The following LMO7 variants were observed in gnomAD, a reference collection of about 807,000 sequenced individuals.
The protein encoded by LMO7 is LIM domain 7, also known as LIM domain only protein 7.
In LMO7, 120 loss-of-function variants were observed where a neutral mutation model predicts 206.5. That is an observed-to-expected ratio of 0.58 (90% CI 0.50 to 0.68). The LOEUF is 0.68. Among genes scored for constraint, LMO7 ranks in the 30% least tolerant of loss-of-function variants. LMO7 has a pLI of 0.00. For missense variants in LMO7, 1,959 were observed against 1,957.9 expected, an observed-to-expected ratio of 1.00 and a Z score of -0.01; for synonymous variants, 706 against 681.5, an observed-to-expected ratio of 1.04 and a Z score of -0.56.
intron 1 of LMO7, among the ~76,000 whole-genome samples, chr13:75,694,416 G>A (rs1345888198): frequency 6.6e-6 from 1 of 152,214 alleles, no homozygotes; most frequent in African/African-American, 2.4e-5. Flanking sequence ...CAGGCAGAAT[G>A]GATCTCTGGA....
intron 4 of LMO7, among the ~76,000 whole-genome samples, chr13:75,772,148 A>T (rs1189622677): frequency 1.3e-5 from 2 of 152,186 alleles, no homozygotes; most frequent in African/African-American, 4.8e-5. Flanking sequence ...ATCATTTCTT[A>T]CCAAGCCTTT....
At chr13:75,626,987 T>C (rs1465380261) in intron 2 of LMO7, 1 of 152,126 alleles carries the variant, frequency 6.6e-6, no homozygotes, top group Non-Finnish European at 1.5e-5. Flanking sequence ...AGTCATAGAA[T>C]AGGGGAATGA....
At chr13:75,716,390 A>G (rs866069019) in intron 2 of LMO7, among the ~76,000 whole-genome samples, 9 of 152,136 alleles carry the variant, frequency 5.9e-5, no homozygotes, top group South Asian at 2.1e-4. Flanking sequence ...CTGATTGACT[A>G]TTGAAATTAG....
chr13:75,678,747 AAAT>A (rs1394781743), intron 1 of LMO7, among the ~76,000 whole-genome samples: 1 of 152,200 alleles, frequency 6.6e-6, no homozygotes, highest in Non-Finnish European at 1.5e-5. Context: ...AGAAAATGAT[AAAT>A]AATTTTTTTT....
chr13:75,680,948 G>A lies in LMO7; in HGVS notation c.70-32234G>A, dbSNP rs1438294344. 3.3e-5 allele frequency among the ~76,000 whole-genome samples: 5 copies of A among 151,960 alleles called. No homozygotes were observed. In the East Asian group the frequency reaches 9.6e-4, roughly 29 times the overall value. On this transcript the variant is annotated intron_variant, in intron 1 of 30. Transcript: ENST00000377534. ...TTGAGCTTTTTTCCTATGTTCATTG[G>A]CTGCATAAATGTCTTTTTTCGAGAA...
chr13:75,708,036 C>G (rs530546570), intron 1 of LMO7, among the ~76,000 whole-genome samples: 1 of 151,990 alleles, frequency 6.6e-6, no homozygotes, highest in Non-Finnish European at 1.5e-5. Flanking sequence ...CTATATGATG[C>G]GGAGGTGTGT....
chr13:75,626,344 C>T (rs1484132122), intron 2 of LMO7, among the ~76,000 whole-genome samples: 1 of 151,372 alleles, frequency 6.6e-6, no homozygotes, highest in African/African-American at 2.4e-5. Context: ...TACATGGTGG[C>T]AGCAAGAGAA....
chr13:75,719,638 C>T (rs1235627566), intron 2 of LMO7, among the ~76,000 whole-genome samples: 1 of 152,126 alleles, frequency 6.6e-6, no homozygotes, highest in East Asian at 1.9e-4. Flanking sequence ...GTAGGACCCG[C>T]TTGCTTCCCC....
At chr13:75,658,149 G>C (rs1443495449) in intron 1 of LMO7, among the ~76,000 whole-genome samples, 1 of 151,590 alleles carries the variant, frequency 6.6e-6, no homozygotes, top group Non-Finnish European at 1.5e-5. Flanking sequence ...AATATGTCAA[G>C]GTCCTTATAC....
chr13:75,716,121 C>G (rs2043511719), intron 2 of LMO7, among the ~76,000 whole-genome samples: 1 of 152,096 alleles, frequency 6.6e-6, no homozygotes, highest in South Asian at 2.1e-4. Flanking sequence ...TCATTCATTA[C>G]CACCATTAAA....
chr13:75,811,691 G>A (rs930240814), intron 11 of LMO7, among the ~76,000 whole-genome samples: 37 of 152,248 alleles, frequency 2.4e-4, no homozygotes, highest in Admixed American at 1.9e-3. Context: ...TTTTTAAGAC[G>A]CTTTGTATGT....
At chr13:75,776,170 T>TAC (rs2050409135) in intron 4 of LMO7, among the ~76,000 whole-genome samples, 1 of 42,530 alleles carries the variant, frequency 2.4e-5, no homozygotes, top group Non-Finnish European at 4.5e-5. Flanking sequence ...CGGATATATA[T>TAC]ATATATATAT....
At chr13:75,632,952 C>T (rs1303368513), upstream of LMO7, among the ~76,000 whole-genome samples, 2 of 146,130 alleles carry the variant, frequency 1.4e-5, no homozygotes, top group Admixed American at 1.4e-4. Flanking sequence ...CCTCTGCCCT[C>T]CTGGGTTCAA....
At chr13:75,792,695 G>A (rs2053471409) in intron 4 of LMO7, among the ~76,000 whole-genome samples, 1 of 152,156 alleles carries the variant, frequency 6.6e-6, no homozygotes, top group Admixed American at 6.5e-5. Context: ...TCCATGCAGT[G>A]GAATGCATTT....
chr13:75,732,389 T>C (rs2045335394), intron 3 of LMO7, among the ~76,000 whole-genome samples: 1 of 152,224 alleles, frequency 6.6e-6, no homozygotes, highest in Admixed American at 6.5e-5. Context: ...CTTCCATCAC[T>C]GATACCCTTT....
intron 28 of LMO7, among the ~76,000 whole-genome samples, chr13:75,853,772 C>G (rs1355022385): frequency 6.6e-6 from 1 of 152,162 alleles, no homozygotes; most frequent in Admixed American, 6.5e-5. Context: ...TGTCAAATAG[C>G]TGACTATTTT....
rs116427825 is a variant in LMO7 at position 75,844,210 on chromosome 13, A to G, written c.4098-1117A>G. Among the ~76,000 whole-genome samples, 165 of 152,252 alleles carry G rather than the reference A, an allele frequency of 1.1e-3. 1 individual carries two copies. The highest frequency in any genetic ancestry group is 3.7e-3 in the African/African-American group (153 of 41,556). On this transcript the variant is annotated intron_variant, in intron 25 of 30. Transcript: ENST00000377534. Reference sequence around the variant, plus strand: ...CAAGGAGTGTGGCTAGACATCTGGTAATAAGTGTTTTCTTCTATGTTGATA... The same window carrying G: ...CAAGGAGTGTGGCTAGACATCTGGTGATAAGTGTTTTCTTCTATGTTGATA...
rs570532409 is a variant in LMO7, at chr13:75,636,433, A to T, written c.-225A>T. The stretch of plus-strand genomic sequence containing the variant: ...TCCCCGCGGGCCTTGGGTCGCTTTC[A>T]GGAGTTTAGAGAAAGCCAGGTCTTC... On this transcript the variant is annotated 5_prime_UTR_variant, in exon 1 of 31. Coordinates refer to ENST00000377534, the MANE Select transcript of LMO7 (RefSeq NM_001306080.2). 7.3e-7 allele frequency: 1 copy of T among 1,377,374 alleles called. No individual in the cohort carries two copies. The highest frequency in any genetic ancestry group is 1.5e-5 in the African/African-American group (1 of 66,664). The allele number at this position is 1,377,374 out of a possible 1,614,324, so 85.3% of individuals were successfully genotyped here.
At chr13:75,664,114 C>A (rs1339574925) in intron 1 of LMO7, among the ~76,000 whole-genome samples, 2 of 152,152 alleles carry the variant, frequency 1.3e-5, no homozygotes, top group South Asian at 2.1e-4. Context: ...ATTAACCGTC[C>A]CCACTTCCCC....
Sources: gnomAD v4.1 joint callset for allele counts (sites outside exome capture counted in the v4.1 genomes callset) on GRCh38, gnomAD v4.1.1 for gene constraint, MANE v1.5 for transcripts, NCBI Gene and HGNC (gene_info 2026-07-23, HGNC 2026-07-21) for gene names.